Variants in LUZP2 observed in about 807,000 individuals in gnomAD.
The protein encoded by LUZP2 is leucine zipper protein 2.
LUZP2 carries 52 observed loss-of-function variants against 51.6 expected under a neutral mutation model. The observed-to-expected ratio is 1.01, with a 90% CI of 0.81 to 1.27. The LOEUF (loss-of-function observed/expected upper bound fraction) is 1.27, where lower values mean the gene tolerates loss of function less well. Among genes scored for constraint, LUZP2 ranks in the 50% most tolerant of loss-of-function variants. The pLI, the probability that LUZP2 is intolerant of heterozygous loss-of-function variation, is 0.00. For missense variants in LUZP2, 436 were observed against 395.4 expected, an observed-to-expected ratio of 1.10 and a Z score of -0.87; for synonymous variants, 154 against 137.3, an observed-to-expected ratio of 1.12 and a Z score of -0.85.
intron 1 of LUZP2, among the ~76,000 whole-genome samples, chr11:24,662,092 T>C (rs1856042127): frequency 6.6e-6 from 1 of 151,318 alleles, no homozygotes; most frequent in Non-Finnish European, 1.5e-5. Context: ...AAACCAACCA[T>C]CACCAACAAT....
intron 5 of LUZP2, among the ~76,000 whole-genome samples, chr11:24,834,266 C>A (rs1459863589): frequency 1.3e-5 from 2 of 152,030 alleles, no homozygotes; most frequent in Non-Finnish European, 2.9e-5. Flanking sequence ...CCCCAACAGG[C>A]CCCAGGGTGT....
intron 4 of LUZP2, among the ~76,000 whole-genome samples, chr11:24,751,234 G>A (rs937561194): frequency 1.3e-5 from 2 of 152,096 alleles, no homozygotes; most frequent in Non-Finnish European, 2.9e-5. Flanking sequence ...TAAAAAAGAA[G>A]CATGCGAAAA....
intron 5 of LUZP2, among the ~76,000 whole-genome samples, chr11:24,771,886 G>A (rs148120766): frequency 5.3e-5 from 8 of 152,142 alleles, no homozygotes; most frequent in East Asian, 1.9e-4. Context: ...TTTGCTCCTC[G>A]TTCACCTACC....
At chr11:24,812,241 C>T (rs1267374747) in intron 5 of LUZP2, among the ~76,000 whole-genome samples, 1 of 152,052 alleles carries the variant, frequency 6.6e-6, no homozygotes, top group African/African-American at 2.4e-5. Flanking sequence ...ATCCATATTT[C>T]TATGAATACC....
At chr11:24,966,047 T>A (rs1425169344) in intron 7 of LUZP2, among the ~76,000 whole-genome samples, 1 of 151,802 alleles carries the variant, frequency 6.6e-6, no homozygotes, top group Non-Finnish European at 1.5e-5. Context: ...TTAAGTTTTC[T>A]AGGGGAAGTG....
chr11:24,720,845 G>A (rs1590397556), intron 1 of LUZP2, among the ~76,000 whole-genome samples: 1 of 152,088 alleles, frequency 6.6e-6, no homozygotes, highest in African/African-American at 2.4e-5. Flanking sequence ...GACTACAGGC[G>A]CCCGCCACCA....
At chr11:24,957,839 G>T (rs758212306) in intron 7 of LUZP2, among the ~76,000 whole-genome samples, 3 of 151,900 alleles carry the variant, frequency 2.0e-5, no homozygotes, top group Non-Finnish European at 2.9e-5. Flanking sequence ...GTGCCATGCT[G>T]GTGCACTGCA....
At chr11:25,060,820 T>C (rs1453058515) in intron 10 of LUZP2, among the ~76,000 whole-genome samples, 1 of 152,198 alleles carries the variant, frequency 6.6e-6, no homozygotes, top group African/African-American at 2.4e-5. Context: ...TTTTTCCCAT[T>C]CCTCTTCTTG....
rs567137189 is a variant in LUZP2, at chr11:24,663,917, C to T, written c.63-65252C>T. Among the ~76,000 whole-genome samples, 195 of 152,312 alleles carry T rather than the reference C, an allele frequency of 1.3e-3. 1 individual carries two copies. Among genetic ancestry groups the T allele is most frequent in the Admixed American group, 2.0e-3 (31 of 15,294 alleles). ...CACCATGATTGTAAGTTCCTGAAGGCTTCCCCAGCCATGTGGAACTGTGAG... is the reference window on the plus strand; with the variant it reads ...CACCATGATTGTAAGTTCCTGAAGGTTTCCCCAGCCATGTGGAACTGTGAG... On this transcript the variant is annotated intron_variant, in intron 1 of 11. Coordinates refer to ENST00000336930, the MANE Select transcript of LUZP2 (RefSeq NM_001009909.4).
chr11:25,079,722 T>C lies in LUZP2; in HGVS notation c.*1064T>C, dbSNP rs1260596461. ...ATAATTATCTGATTAATAGGTTTCA[T>C]AGGGCATTCAAAGTTGCAGACTCAG... On this transcript the variant is annotated 3_prime_UTR_variant, in exon 12 of 12. Coordinates refer to ENST00000336930, the MANE Select transcript of LUZP2 (RefSeq NM_001009909.4). 6.6e-6 allele frequency: 1 copy of C among 152,172 alleles called. No homozygotes were observed. The highest frequency in any genetic ancestry group is 1.5e-5 in the Non-Finnish European group (1 of 68,002). The allele number at this position is 152,172 out of a possible 1,614,324, so 9.4% of individuals were successfully genotyped here.
intron 9 of LUZP2, among the ~76,000 whole-genome samples, chr11:25,032,046 G>A (rs1857705429): frequency 6.6e-6 from 1 of 152,120 alleles, no homozygotes; most frequent in South Asian, 2.1e-4. Context: ...ACTATGGACA[G>A]CATAGAGGGT....
intron 1 of LUZP2, among the ~76,000 whole-genome samples, chr11:24,595,366 G>A (rs552752794): frequency 3.7e-4 from 56 of 152,208 alleles, no homozygotes; most frequent in Middle Eastern, 3.4e-3. Flanking sequence ...CACAGGCACT[G>A]GGGAACTAAT....
chr11:24,677,968 T>C (rs949968029), intron 1 of LUZP2, among the ~76,000 whole-genome samples: 20 of 142,620 alleles, frequency 1.4e-4, no homozygotes, highest in Non-Finnish European at 2.4e-4. Context: ...ACCTGGGAGG[T>C]GGAGCTTGCA....
chr11:24,630,034 G>A (rs1854825527), intron 1 of LUZP2, among the ~76,000 whole-genome samples: 1 of 151,248 alleles, frequency 6.6e-6, no homozygotes, highest in Admixed American at 6.6e-5. Context: ...ACTGTTTAAT[G>A]GGATTACTTT....
At chr11:24,810,413 C>T (rs1225728779) in intron 5 of LUZP2, among the ~76,000 whole-genome samples, 2 of 152,080 alleles carry the variant, frequency 1.3e-5, no homozygotes, top group Non-Finnish European at 2.9e-5. Context: ...TGTCAAGGTT[C>T]TGTATAAAGA....
chr11:24,509,087 G>A (rs866442286), intron 1 of LUZP2, among the ~76,000 whole-genome samples: 4 of 152,178 alleles, frequency 2.6e-5, no homozygotes, highest in Admixed American at 6.5e-5. Context: ...CGACATGTGC[G>A]ATGAGTGAGG....
chr11:24,614,781 C>T (rs540432650), intron 1 of LUZP2, among the ~76,000 whole-genome samples: 1 of 151,980 alleles, frequency 6.6e-6, no homozygotes, highest in South Asian at 2.1e-4. Flanking sequence ...CTGTCCATTA[C>T]TATCTTTTGC....
At chr11:24,865,607 C>T (rs543717604) in intron 5 of LUZP2, among the ~76,000 whole-genome samples, 1 of 152,050 alleles carries the variant, frequency 6.6e-6, no homozygotes, top group East Asian at 1.9e-4. Context: ...TGTCTCACTC[C>T]CTCTCTCATT....
chr11:24,779,838 C>T (rs993480650), intron 5 of LUZP2, among the ~76,000 whole-genome samples: 1 of 151,970 alleles, frequency 6.6e-6, no homozygotes, highest in African/African-American at 2.4e-5. Context: ...TTGACACACA[C>T]ACATAGGGGA....
Sources: allele counts gnomAD v4.1 joint callset (sites outside exome capture counted in the v4.1 genomes callset), GRCh38; gene constraint gnomAD v4.1.1; transcripts MANE v1.5; gene names NCBI Gene and HGNC (gene_info 2026-07-23, HGNC 2026-07-21).